ASTN2: variants seen among roughly 807,000 people sequenced by gnomAD.
The protein encoded by ASTN2 is astrotactin-2.
A neutral mutation model predicts 139.8 loss-of-function variants in ASTN2; 54 were observed. That is an observed-to-expected ratio of 0.39 (90% CI 0.31 to 0.48). The LOEUF is 0.48. Ranked by LOEUF, ASTN2 falls within the 20% of genes least tolerant of loss-of-function variation. The pLI is 0.95. For synonymous variants in ASTN2, 756 were observed against 719.5 expected (o/e 1.05, Z -0.81); for missense variants, 1,565 against 1,725.1 (o/e 0.91, Z 1.64).
intron 19 of ASTN2, among the ~76,000 whole-genome samples, chr9:116,490,660 G>T (rs1185043903): frequency 6.6e-6 from 1 of 152,190 alleles, no homozygotes; most frequent in Non-Finnish European, 1.5e-5. Context: ...AGGGTGGCAG[G>T]AGAGAGAATG....
chr9:116,832,703 C>A (rs1309531298), intron 11 of ASTN2, among the ~76,000 whole-genome samples: 1 of 151,980 alleles, frequency 6.6e-6, no homozygotes, highest in Non-Finnish European at 1.5e-5. Context: ...CTGTAATAAA[C>A]CCCACTTAGT....
chr9:116,638,053 T>C (rs1857156236), intron 17 of ASTN2, among the ~76,000 whole-genome samples: 1 of 152,142 alleles, frequency 6.6e-6, no homozygotes. Context: ...TCTTGCAGGA[T>C]ATAGGAGAAA....
intron 3 of ASTN2, among the ~76,000 whole-genome samples, chr9:117,154,326 G>C (rs930042011): frequency 3.3e-5 from 5 of 151,920 alleles, no homozygotes; most frequent in African/African-American, 1.2e-4. Flanking sequence ...GAGCAGGCTG[G>C]CTTCATTATT....
chr9:117,225,538 T>TGTATATATATATATATATAC (rs1832681714), intron 2 of ASTN2, among the ~76,000 whole-genome samples: 2 of 19,518 alleles, frequency 1.0e-4, no homozygotes, highest in African/African-American at 7.4e-4. Flanking sequence ...GCTGTATGTA[T>TGTATATATATATATATATAC]ATATATATAT....
At chr9:116,575,958 C>G in intron 19 of ASTN2, among the ~76,000 whole-genome samples, 1 of 152,154 alleles carries the variant, frequency 6.6e-6, no homozygotes, top group East Asian at 1.9e-4. Flanking sequence ...GAGGAGGAAG[C>G]TCATGAGTGG....
chr9:116,799,052 C>G (rs1830773083), intron 13 of ASTN2, among the ~76,000 whole-genome samples: 1 of 125,774 alleles, frequency 8.0e-6, no homozygotes, highest in Non-Finnish European at 1.5e-5. Flanking sequence ...GGTCCAGACA[C>G]ATAAAAAATG....
intron 5 of ASTN2, among the ~76,000 whole-genome samples, chr9:117,046,202 T>C (rs1309767001): frequency 2.0e-5 from 3 of 152,070 alleles, no homozygotes; most frequent in African/African-American, 7.2e-5. Flanking sequence ...GGTTTCACCA[T>C]GTTGGCCAGG....
chr9:116,837,213 A>T (rs1832029139), intron 11 of ASTN2, among the ~76,000 whole-genome samples: 1 of 152,180 alleles, frequency 6.6e-6, no homozygotes, highest in African/African-American at 2.4e-5. Context: ...AAAGGGAGTG[A>T]GTCAGCCTAA....
At chr9:117,257,406 G>A (rs1025373036) in intron 2 of ASTN2, among the ~76,000 whole-genome samples, 6 of 152,186 alleles carry the variant, frequency 3.9e-5, no homozygotes, top group African/African-American at 1.4e-4. Context: ...CAGATTTTAG[G>A]TCAATCTGGA....
At chr9:116,602,196 G>A (rs1328124801) in intron 19 of ASTN2, among the ~76,000 whole-genome samples, 2 of 152,158 alleles carry the variant, frequency 1.3e-5, no homozygotes, top group Non-Finnish European at 2.9e-5. Flanking sequence ...CTTGGTGGTA[G>A]CAGAAGACAG....
At chr9:117,012,941 G>C (rs1285399319) in intron 6 of ASTN2, among the ~76,000 whole-genome samples, 4 of 152,202 alleles carry the variant, frequency 2.6e-5, no homozygotes, top group Non-Finnish European at 5.9e-5. Context: ...TATGGCGTCT[G>C]CCTACTGAGA....
intron 16 of ASTN2, among the ~76,000 whole-genome samples, chr9:116,723,133 C>T (rs1411455964): frequency 6.6e-6 from 1 of 151,036 alleles, no homozygotes; most frequent in East Asian, 2.0e-4. Context: ...CCACTGAGCT[C>T]CAGCCTGGGT....
At chr9:117,300,356 T>G (rs1388744644) in intron 1 of ASTN2, among the ~76,000 whole-genome samples, 2 of 152,244 alleles carry the variant, frequency 1.3e-5, no homozygotes, top group Admixed American at 1.3e-4. Context: ...GATGCCTGTC[T>G]AGGACATTAC....
chr9:117,099,701 G>A (rs1828927378), intron 4 of ASTN2, among the ~76,000 whole-genome samples: 1 of 152,184 alleles, frequency 6.6e-6, no homozygotes, highest in Non-Finnish European at 1.5e-5. Context: ...ATTTTGTCCA[G>A]GGTCACAGCT....
At chr9:116,955,616 C>T (rs1835684102) in intron 10 of ASTN2, among the ~76,000 whole-genome samples, 1 of 152,328 alleles carries the variant, frequency 6.6e-6, no homozygotes, top group East Asian at 1.9e-4. Flanking sequence ...GCTTGAGGCC[C>T]TGCTAGAAGT....
At chr9:116,713,234 C>T (rs147769047) in intron 16 of ASTN2, among the ~76,000 whole-genome samples, 11 of 152,262 alleles carry the variant, frequency 7.2e-5, no homozygotes, top group Admixed American at 1.3e-4. Flanking sequence ...CCCCATACCC[C>T]GGAGACTTAT....
chr9:116,906,137 C>A (rs575841565), intron 10 of ASTN2, among the ~76,000 whole-genome samples: 1 of 152,132 alleles, frequency 6.6e-6, no homozygotes, highest in South Asian at 2.1e-4. Flanking sequence ...GTTGCAAGGA[C>A]CCTGCCCCCA....
chr9:116,855,319 G>GCTCCTGATTGAGGAGCTA (rs146977211), intron 11 of ASTN2, among the ~76,000 whole-genome samples: 126,302 of 151,330 alleles, frequency 0.83, 52,840 homozygotes, highest in East Asian at 0.96. Flanking sequence ...AGATGCAAAT[G>GCTCCTGATTGAGGAGCTA]CTCCTGATTG....
At chr9:116,675,870 G>A (rs1306533971) in intron 16 of ASTN2, among the ~76,000 whole-genome samples, 1 of 152,150 alleles carries the variant, frequency 6.6e-6, no homozygotes, top group Admixed American at 6.6e-5. Flanking sequence ...CACCTGGAGT[G>A]GATCAAAGAC....
Sources: allele counts gnomAD v4.1 joint callset (sites outside exome capture counted in the v4.1 genomes callset), GRCh38; gene constraint gnomAD v4.1.1; transcripts MANE v1.5; gene names NCBI Gene and HGNC (gene_info 2026-07-23, HGNC 2026-07-21).